Variants in INPP4A observed in about 807,000 individuals in gnomAD.
INPP4A encodes the protein inositol polyphosphate-4-phosphatase, type I, 107kD.
In INPP4A, 33 loss-of-function variants were observed where a neutral mutation model predicts 119.8. The ratio of observed to expected loss-of-function variants is 0.28; its 90% confidence interval spans 0.21 to 0.37. The LOEUF (loss-of-function observed/expected upper bound fraction) is 0.37. Ranked by LOEUF, INPP4A falls within the 10% of genes least tolerant of loss-of-function variation. The pLI is 1.00. For missense variants in INPP4A, 956 were observed against 1,289.9 expected, an observed-to-expected ratio of 0.74 and a Z score of 3.97; for synonymous variants, 496 against 500.7, an observed-to-expected ratio of 0.99 and a Z score of 0.12.
chr2:98,566,205 T>TG lies in INPP4A; in HGVS notation c.2420+38dup, dbSNP rs1350453220. The TG allele has an allele frequency of 6.5e-7, 1 of 1,546,480 alleles. No homozygotes were observed. Among genetic ancestry groups the TG allele is most frequent in the African/African-American group, 1.4e-5 (1 of 72,872 alleles). On this transcript the variant is annotated intron_variant, in intron 21 of 24. Transcript: ENST00000409851. This position sits in a 1 kb window ranked among gnomAD's most constrained non-coding sequence, Gnocchi z 4.2. ...GCTCCTCGGGGCTGCGGGGGTGTGG[T>TG]GGCCCTGGAGATGATGCAGAAAACG...
intron 4 of INPP4A, among the ~76,000 whole-genome samples, chr2:98,532,904 T>C (rs1689506702): frequency 2.0e-5 from 3 of 152,212 alleles, no homozygotes; most frequent in Admixed American, 2.0e-4. Context: ...TCTAATTTTC[T>C]TCCAGCATCC....
intron 22 of INPP4A, 79 bp from the exon 23 acceptor site, chr2:98,572,736 G>A (rs1697695300): frequency 2.2e-6 from 2 of 905,038 alleles, no homozygotes; most frequent in African/African-American, 1.7e-5. Context: ...TGCCCCAGCA[G>A]CTCACTTGGG....
At chr2:98,463,223 C>G (rs753633012) in intron 1 of INPP4A, among the ~76,000 whole-genome samples, 1 of 152,230 alleles carries the variant, frequency 6.6e-6, no homozygotes, top group Non-Finnish European at 1.5e-5. Context: ...GGTACATTGG[C>G]TCTGTTGGGC....
chr2:98,469,526 G>T (rs533296932), intron 1 of INPP4A, among the ~76,000 whole-genome samples: 2 of 150,402 alleles, frequency 1.3e-5, no homozygotes, highest in Non-Finnish European at 3.0e-5. Flanking sequence ...ACTTGGGCCG[G>T]GTGCGGTGGC....
rs1010921294 is a variant in INPP4A at position 98,592,610 on chromosome 2, A to G, written c.*5002A>G. ...AATAGCATCCTTTTCTGAGAGGTATATGCTGACCAAAAAGATCTTTCATTC... is the reference window on the plus strand; with the variant it reads ...AATAGCATCCTTTTCTGAGAGGTATGTGCTGACCAAAAAGATCTTTCATTC... On this transcript the variant is annotated 3_prime_UTR_variant, in exon 25 of 25. Coordinates refer to ENST00000409851, the MANE Select transcript of INPP4A (RefSeq NM_001134225.2). 5.9e-5 allele frequency: 9 copies of G among 152,262 alleles called. No homozygotes were observed. The highest frequency in any genetic ancestry group is 2.0e-4 in the Admixed American group (3 of 15,284). The allele number at this position is 152,262 out of a possible 1,614,324, so 9.4% of individuals were successfully genotyped here. A position where few individuals can be genotyped will look rare whatever the true frequency, so the allele number is the denominator to read the frequency against.
At chr2:98,543,503 G>T (rs72821956) in intron 10 of INPP4A, among the ~76,000 whole-genome samples, 35,584 of 152,084 alleles carry the variant, frequency 0.23, 4,299 homozygotes, top group Middle Eastern at 0.35. Flanking sequence ...ACGTTGTTTT[G>T]CCCAGACTCA....
chr2:98,483,894 C>G (rs1408595052), intron 1 of INPP4A, among the ~76,000 whole-genome samples: 1 of 152,160 alleles, frequency 6.6e-6, no homozygotes, highest in Admixed American at 6.5e-5. Flanking sequence ...CACCCTCTTG[C>G]CTGAGCCTCC....
chr2:98,501,055 C>T (rs898039758), intron 1 of INPP4A, among the ~76,000 whole-genome samples: 7 of 152,172 alleles, frequency 4.6e-5, no homozygotes, highest in Admixed American at 3.3e-4. Flanking sequence ...GGCCTATAAT[C>T]CCAGCACTGG....
chr2:98,480,766 C>T (rs1249425451), intron 1 of INPP4A, among the ~76,000 whole-genome samples: 1 of 152,218 alleles, frequency 6.6e-6, no homozygotes, highest in African/African-American at 2.4e-5. Context: ...TTGCTGGCAG[C>T]CTCAGACCGG....
At chr2:98,519,775 A>G in intron 2 of INPP4A, 171 bp from the exon 3 acceptor site, 1 of 437,770 alleles carries the variant, frequency 2.3e-6, no homozygotes. Flanking sequence ...GTGGGGAGGA[A>G]GAAGTGACCA....
At chr2:98,480,908 C>T (rs1424141179) in intron 1 of INPP4A, among the ~76,000 whole-genome samples, 5 of 152,220 alleles carry the variant, frequency 3.3e-5, no homozygotes, top group Non-Finnish European at 7.3e-5. Flanking sequence ...GCCGCACACT[C>T]TGGACCCTTC....
chr2:98,496,779 A>G (rs903103819), intron 1 of INPP4A, among the ~76,000 whole-genome samples: 1 of 152,196 alleles, frequency 6.6e-6, no homozygotes, highest in Non-Finnish European at 1.5e-5. Context: ...CAACATCACT[A>G]ATCATCAGGG....
chr2:98,540,495 C>T (rs1163187203), intron 10 of INPP4A, among the ~76,000 whole-genome samples: 5 of 152,266 alleles, frequency 3.3e-5, no homozygotes, highest in African/African-American at 9.6e-5. Flanking sequence ...ATATTATGTC[C>T]CCTGTCTCTC....
At chr2:98,520,236 A>G in intron 3 of INPP4A, 82 bp downstream of exon 3, 1 of 1,057,988 alleles carries the variant, frequency 9.5e-7, no homozygotes, top group Non-Finnish European at 1.4e-6. Flanking sequence ...GCTGGCAGGT[A>G]CCCAATGATT....
Position 98,554,887 on chromosome 2 carries a change from G to A in INPP4A, c.1566+398G>A, listed in dbSNP as rs1394878367. On this transcript the variant is annotated intron_variant, in intron 15 of 24. Transcript: ENST00000409851. This position sits in a 1 kb window ranked among gnomAD's most constrained non-coding sequence, Gnocchi z 4.7. Reference sequence around the variant, plus strand: ...GTGTATTTGGGGACGTGGGAGCTCTGGTGCTGGGGCAAGTAGATATGGATT... The same window carrying A: ...GTGTATTTGGGGACGTGGGAGCTCTAGTGCTGGGGCAAGTAGATATGGATT... Among the ~76,000 whole-genome samples, 4 of 152,204 alleles carry A rather than the reference G, an allele frequency of 2.6e-5. No individual in the cohort carries two copies. Among genetic ancestry groups the A allele is most frequent in the Admixed American group, 2.6e-4 (4 of 15,292 alleles).
chr2:98,462,490 C>T lies in INPP4A; in HGVS notation c.-166+17405C>T, dbSNP rs1039982043. 4.0e-5 allele frequency among the ~76,000 whole-genome samples: 6 copies of T among 151,878 alleles called. No homozygotes were observed. The South Asian group carries it at 1.2e-3, about 32-fold the overall frequency. ...TAGATAAAAATAAAATAAAATATTACCTTCTAGTTACACACAGACCTTTTA... is the reference window on the plus strand; with the variant it reads ...TAGATAAAAATAAAATAAAATATTATCTTCTAGTTACACACAGACCTTTTA... On this transcript the variant is annotated intron_variant, in intron 1 of 24. Coordinates refer to ENST00000409851, the MANE Select transcript of INPP4A (RefSeq NM_001134225.2).
rs115400531 is a variant in INPP4A, at chr2:98,497,531, G to A, written c.-165-21433G>A. 5.2e-3 allele frequency among the ~76,000 whole-genome samples: 796 copies of A among 152,272 alleles called. 12 individuals carry two copies. Among genetic ancestry groups the A allele is most frequent in the African/African-American group, 0.018 (739 of 41,536 alleles). On this transcript the variant is annotated intron_variant, in intron 1 of 24. Coordinates refer to ENST00000409851, the MANE Select transcript of INPP4A (RefSeq NM_001134225.2). The stretch of plus-strand genomic sequence containing the variant: ...GCCAGGAGGGGGACTATACCCTGCT[G>A]GCCATTTGCACATCTTCTTTTGGGA...
At chr2:98,512,289 G>A (rs1015841624) in intron 1 of INPP4A, among the ~76,000 whole-genome samples, 5 of 152,248 alleles carry the variant, frequency 3.3e-5, no homozygotes, top group Non-Finnish European at 7.3e-5. Flanking sequence ...CTATGGGGGA[G>A]GAGGGATCTG....
At chr2:98,509,065 G>T (rs920300510) in intron 1 of INPP4A, among the ~76,000 whole-genome samples, 1 of 152,208 alleles carries the variant, frequency 6.6e-6, no homozygotes, top group East Asian at 1.9e-4. Flanking sequence ...TTCAGAAGAG[G>T]CTTGGCCCCC....
Sources: gnomAD v4.1 joint callset for allele counts (sites outside exome capture counted in the v4.1 genomes callset) on GRCh38, gnomAD v4.1.1 for gene constraint, Gnocchi (gnomAD v3.1) non-coding constraint, MANE v1.5 for transcripts, NCBI Gene and HGNC (gene_info 2026-07-23, HGNC 2026-07-21) for gene names.